SEC16A: variants seen among roughly 807,000 people sequenced by gnomAD.
The protein encoded by SEC16A is SEC16 homolog A, endoplasmic reticulum export factor.
A neutral mutation model predicts 221.9 loss-of-function variants in SEC16A; 110 were observed. The observed-to-expected ratio is 0.50, with a 90% CI of 0.42 to 0.58. SEC16A has a LOEUF of 0.58. Ranked by LOEUF, SEC16A falls within the 20% of genes least tolerant of loss-of-function variation. The pLI is 0.00. For missense variants in SEC16A, 3,165 were observed against 3,097.8 expected (o/e 1.02, Z -0.52); for synonymous variants, 1,393 against 1,257.7 (o/e 1.11, Z -2.28).
rs751359678 is a variant in SEC16A, at chr9:136,476,497, C to T, written c.1119G>A (p.Ala373=). Residue 373 remains alanine (A), a synonymous_variant, in exon 3 of 32, where the codon GCG becomes GCA. Transcript: ENST00000684901. ...CTGTCTCTCCCCCTTGGAAAAACATCGCCAGAGCTCCTGAAGCTCCTGAGT... is the reference window on the plus strand; with the variant it reads ...CTGTCTCTCCCCCTTGGAAAAACATTGCCAGAGCTCCTGAAGCTCCTGAGT... The part of the protein sequence containing the change: ...EADSGASGAL[A]MFFQGGETEN... 17 of 1,612,872 alleles carry T rather than the reference C, an allele frequency of 1.1e-5. No homozygotes were observed. The highest frequency in any genetic ancestry group is 5.5e-5 in the South Asian group (5 of 91,026).
rs1255046710 is a variant in SEC16A at position 136,476,476 on chromosome 9, C to T, written c.1140G>A (p.Glu380=). 10 of 1,613,010 alleles carry T rather than the reference C, an allele frequency of 6.2e-6. No homozygotes were observed. The East Asian group carries it at 8.9e-5, about 14-fold the overall frequency. ...GALAMFFQGG[E]TENEENLSSE... ...ATGAGAGATTCTCCTCATTTTCTGT[C>T]TCTCCCCCTTGGAAAAACATCGCCA... is the stretch of plus-strand genomic sequence containing the variant. Residue 380 remains glutamate, a synonymous_variant, in exon 3 of 32, where the codon GAG becomes GAA. Transcript: ENST00000684901.
chr9:136,457,275 C>T (rs937398674), intron 18 of SEC16A, among the ~76,000 whole-genome samples, 169 bp downstream of exon 18: 1 of 152,254 alleles, frequency 6.6e-6, no homozygotes, highest in African/African-American at 2.4e-5. Context: ...CAGGCTAAGA[C>T]GCAAAACACG....
At chr9:136,470,792 T>C (rs1208850418) in intron 4 of SEC16A, among the ~76,000 whole-genome samples, 1 of 152,212 alleles carries the variant, frequency 6.6e-6, no homozygotes, top group East Asian at 1.9e-4. Flanking sequence ...CAAAAACAAG[T>C]GCAGGTACAA....
At chr9:136,455,029 G>C (rs961201438) in intron 20 of SEC16A, among the ~76,000 whole-genome samples, 2 of 152,188 alleles carry the variant, frequency 1.3e-5, no homozygotes, top group East Asian at 3.9e-4. Context: ...CTTGTCCTCA[G>C]GTGAGATGGA....
At position 136,476,782 on chromosome 9, in the gene SEC16A, G is replaced by A. The variant is rs10781497; in HGVS notation, c.834C>T (p.Asp278=). Residue 278 remains aspartate, a synonymous_variant, in exon 3 of 32, where the codon GAC becomes GAT. Coordinates refer to ENST00000684901, the MANE Select transcript of SEC16A (RefSeq NM_014866.2). ...GCAAGTGGCTCACCTCGTCTCTTCC[G>A]TCACTGGGCAAGGCTGCTGGGGGAG... ...LVAPPAALPS[D]GRDEVSHLQS... is the part of the protein sequence containing the mutation. The A allele has an allele frequency of 0.14, 228,472 of 1,610,600 alleles. 18,138 individuals carry two copies. Among genetic ancestry groups the A allele is most frequent in the Admixed American group, 0.3 (18,161 of 59,758 alleles).
chr9:136,441,871 G>C, intron 31 of SEC16A, 48 bp from the exon 32 acceptor site: 1 of 1,544,538 alleles, frequency 6.5e-7, no homozygotes, highest in Non-Finnish European at 8.9e-7. Context: ...CCCCCAGGGT[G>C]AGCAGTGCTC....
In SEC16A at chr9:136,462,581, C is replaced by T. The variant is rs77729632; in HGVS notation, c.4893+306G>A. 7.2e-5 allele frequency among the ~76,000 whole-genome samples: 11 copies of T among 152,310 alleles called. No individual in the cohort carries two copies. The South Asian group carries it at 1.0e-3, about 14-fold the overall frequency. On this transcript the variant is annotated intron_variant, in intron 12 of 31. Coordinates refer to ENST00000684901, the MANE Select transcript of SEC16A (RefSeq NM_014866.2). ...CAACTTGTGTCATGCACATTTCATCCGAGATTTGGCACACACAGCAGGGGC... is the reference window on the plus strand; with the variant it reads ...CAACTTGTGTCATGCACATTTCATCTGAGATTTGGCACACACAGCAGGGGC...
intron 12 of SEC16A, among the ~76,000 whole-genome samples, chr9:136,461,828 C>A (rs779780841): frequency 1.3e-5 from 2 of 151,970 alleles, no homozygotes; most frequent in African/African-American, 2.4e-5. Context: ...CTGATCAGGC[C>A]GGGCGCGGTG....
chr9:136,456,532 G>A (rs549730939), intron 18 of SEC16A, among the ~76,000 whole-genome samples: 2 of 152,198 alleles, frequency 1.3e-5, no homozygotes, highest in Non-Finnish European at 2.9e-5. Flanking sequence ...CGGGACAGAG[G>A]GGGCAGAACA....
At chr9:136,473,083 G>A (rs1191822278) in intron 3 of SEC16A, among the ~76,000 whole-genome samples, 2 of 152,242 alleles carry the variant, frequency 1.3e-5, no homozygotes, top group African/African-American at 2.4e-5. Flanking sequence ...CTGGTCACAC[G>A]CACACAAACC....
At position 136,453,417 on chromosome 9, in the gene SEC16A, T is replaced by C; in HGVS notation, c.6159+11A>G. The C allele has an allele frequency of 1.2e-6, 2 of 1,607,966 alleles. No individual in the cohort carries two copies. Among genetic ancestry groups the C allele is most frequent in the Non-Finnish European group, 1.7e-6 (2 of 1,174,712 alleles). ...GGAAAACAAACAGTTTAAGAAAATG[T>C]GACAAAGTACCAGATTAGCAAATTT... On this transcript the variant is annotated intron_variant, in intron 22 of 31. Coordinates refer to ENST00000684901, the MANE Select transcript of SEC16A (RefSeq NM_014866.2).
At position 136,448,108 on chromosome 9, in the gene SEC16A, A is replaced by G. The variant is rs747564623; in HGVS notation, c.6366T>C (p.Tyr2122=). 5.6e-6 allele frequency: 9 copies of G among 1,613,252 alleles called. No homozygotes were observed. The Admixed American group carries it at 1.0e-4, about 18-fold the overall frequency. Residue 2122 remains tyrosine (Y), a synonymous_variant, in exon 24 of 32, where the codon TAT becomes TAC. Coordinates refer to ENST00000684901, the MANE Select transcript of SEC16A (RefSeq NM_014866.2). ...CCGATTTGTTCTTGTCATCTGGCAA[A>G]TAAGCTTCTGTCTTTTTCTTTCCAG... ...WLPGKKKTEA[Y]LPDDKNKSIV... is the part of the protein sequence containing the mutation.
Position 136,479,672 on chromosome 9 carries a change from T to G in SEC16A, c.-191-842A>C, listed in dbSNP as rs1467445035. Among the ~76,000 whole-genome samples the G allele has an allele frequency of 4.6e-5, 7 of 152,108 alleles. No homozygotes were observed. The East Asian group carries it at 1.3e-3, about 29-fold the overall frequency. The stretch of plus-strand genomic sequence containing the variant: ...TGGCCAATCCACACATCTTTGCAGA[T>G]GTATATTATTTTGGTCTCTTGGAAA... On this transcript the variant is annotated intron_variant, in intron 1 of 31. Transcript: ENST00000684901.
At chr9:136,479,190 T>G (rs1434552508) in intron 1 of SEC16A, among the ~76,000 whole-genome samples, 1 of 152,256 alleles carries the variant, frequency 6.6e-6, no homozygotes, top group African/African-American at 2.4e-5. Context: ...CTTGAATAGT[T>G]AACCTGGCCT....
chr9:136,455,547 G>C (rs1466126458), intron 20 of SEC16A, 54 bp downstream of exon 20: 5 of 1,479,402 alleles, frequency 3.4e-6, no homozygotes, highest in Non-Finnish European at 4.5e-6. Flanking sequence ...CCATGGCTCA[G>C]CCCACAGGAA....
In SEC16A at chr9:136,476,861, G is replaced by A. The variant is rs1841708553; in HGVS notation, c.755C>T (p.Thr252Ile). The change falls in exon 3 of 32, where the codon ACC (threonine) becomes ATC (isoleucine). Residue 252 changes from threonine (T) to isoleucine (I), a missense_variant. Coordinates refer to ENST00000684901, the MANE Select transcript of SEC16A (RefSeq NM_014866.2). ...PCATSVPHFP[T>I]PSILHQGPGH... ...AGGGCCCTGATGTAGGATGGACGGG[G>A]TGGGGAAATGAGGAACGCTGGTGGC... 6.2e-7 allele frequency: 1 copy of A among 1,612,242 alleles called. No homozygotes were observed. Among genetic ancestry groups the A allele is most frequent in the Admixed American group, 1.7e-5 (1 of 59,978 alleles).
At chr9:136,461,317 G>C in intron 12 of SEC16A, 43 bp from the exon 13 acceptor site, 20 of 1,430,042 alleles carry the variant, frequency 1.4e-5, no homozygotes, top group Non-Finnish European at 1.8e-5. Flanking sequence ...TATCGGCGGC[G>C]CTCACGTGAC....
At position 136,446,131 on chromosome 9, in the gene SEC16A, A is replaced by AT. The variant is rs1271016346; in HGVS notation, c.6793-413_6793-412insA. 5.8e-5 allele frequency among the ~76,000 whole-genome samples: 7 copies of AT among 121,456 alleles called. No individual in the cohort carries two copies. In the East Asian group the frequency reaches 1.8e-3, roughly 31 times the overall value. The allele number at this position is 121,456 out of a possible 152,430, so 79.7% of individuals were successfully genotyped here. ...TTTTTTTTTTTTTTTTTTGAGATGG[A>AT]GTCTGGCTCTGTTGCCCGGGATGGA... On this transcript the variant is annotated intron_variant, in intron 28 of 31. Transcript: ENST00000684901.
At position 136,448,144 on chromosome 9, in the gene SEC16A, A is replaced by T. The variant is rs1309161851; in HGVS notation, c.6330T>A (p.Phe2110Leu). 1 of 1,613,654 alleles carries T rather than the reference A, an allele frequency of 6.2e-7. No homozygotes were observed. The change falls in exon 24 of 32, where the codon TTT becomes TTA. Residue 2110 changes from phenylalanine to leucine, a missense_variant. Phe to Leu is a conservative substitution (Grantham distance 22). Coordinates refer to ENST00000684901, the MANE Select transcript of SEC16A (RefSeq NM_014866.2). ...TCTTTTTCTTTCCAGGTAGCCAACG[A>T]AAGAACCAGGATTCACCCTAAATAT... Reference protein sequence around the residue: ...KEPKKGESWFFRWLPGKKKTE... With the variant: ...KEPKKGESWFLRWLPGKKKTE...
Sources: allele counts gnomAD v4.1 joint callset (sites outside exome capture counted in the v4.1 genomes callset), GRCh38; gene constraint gnomAD v4.1.1; transcripts MANE v1.5; gene names NCBI Gene and HGNC (gene_info 2026-07-23, HGNC 2026-07-21).